Variants in STARD13 observed in about 807,000 individuals in gnomAD.
The protein encoded by STARD13 is StAR related lipid transfer domain containing 13.
In STARD13, 62 loss-of-function variants were observed where a neutral mutation model predicts 106.4. The observed-to-expected ratio is 0.58, with a 90% CI of 0.48 to 0.72. STARD13 has a LOEUF of 0.72. Ranked by LOEUF, STARD13 falls within the 30% of genes least tolerant of loss-of-function variation. The probability of loss-of-function intolerance (pLI) is 0.00; values close to 1 mark genes in which losing one functional copy is unlikely to be tolerated. For missense variants in STARD13, 1,387 were observed against 1,424.0 expected (o/e 0.97, Z 0.42); for synonymous variants, 565 against 553.0 (o/e 1.02, Z -0.31).
At chr13:33,566,219 T>C in the STARD13 span, among the ~76,000 whole-genome samples, 5 of 148,420 alleles carry the variant, frequency 3.4e-5, 1 homozygote, top group Non-Finnish European at 1.5e-5. Context: ...AGGATTGTTA[T>C]AATTATTCTG....
the STARD13 span, among the ~76,000 whole-genome samples, chr13:33,495,980 AATAG>A: frequency 2.0e-3 from 288 of 142,264 alleles, no homozygotes; most frequent in African/African-American, 6.6e-3. Flanking sequence ...TAATTATTAT[AATAG>A]ATAGTGAATA....
the STARD13 span, among the ~76,000 whole-genome samples, chr13:33,572,999 T>A: frequency 6.6e-6 from 1 of 152,166 alleles, no homozygotes; most frequent in African/African-American, 2.4e-5. Flanking sequence ...GATATATGTC[T>A]TATTTCTACT....
At chr13:33,142,452 C>T in intron 3 of STARD13, 79 bp from the exon 4 acceptor site, 1 of 1,322,760 alleles carries the variant, frequency 7.6e-7, no homozygotes, top group Non-Finnish European at 1.1e-6. Context: ...TCCTTTATTT[C>T]CAGTAAAGTT....
chr13:33,117,476 T>C (rs1875566082), intron 8 of STARD13: 3 of 390,818 alleles, frequency 7.7e-6, no homozygotes, highest in East Asian at 1.6e-4. Context: ...TAATCAACAA[T>C]TGTTATTTTC....
chr13:33,467,394 AG>A, the STARD13 span, among the ~76,000 whole-genome samples: 1 of 152,148 alleles, frequency 6.6e-6, no homozygotes, highest in African/African-American at 2.4e-5. Flanking sequence ...GGCAGAGCTC[AG>A]GTAGTAATAC....
the STARD13 span, among the ~76,000 whole-genome samples, chr13:33,510,313 G>C: frequency 6.6e-6 from 1 of 152,170 alleles, no homozygotes; most frequent in Non-Finnish European, 1.5e-5. Context: ...TTTTCTGGTA[G>C]AGGTATATTT....
chr13:33,179,543 A>G (rs902509245), intron 1 of STARD13, among the ~76,000 whole-genome samples: 3 of 152,328 alleles, frequency 2.0e-5, no homozygotes, highest in East Asian at 3.9e-4. Flanking sequence ...TTCATTTGGT[A>G]TGCAGAAGTG....
chr13:33,492,127 T>G, the STARD13 span, among the ~76,000 whole-genome samples: 1 of 152,128 alleles, frequency 6.6e-6, no homozygotes, highest in African/African-American at 2.4e-5. Context: ...CACAAGGTAA[T>G]GTCATCAGTT....
chr13:33,293,819 A>G (rs938086888), intron 1 of STARD13, among the ~76,000 whole-genome samples: 2 of 152,188 alleles, frequency 1.3e-5, no homozygotes, highest in African/African-American at 4.8e-5. Context: ...GCCCTCAAAC[A>G]TTGGACTCTA....
chr13:33,508,324 G>A, the STARD13 span, among the ~76,000 whole-genome samples: 3 of 152,174 alleles, frequency 2.0e-5, no homozygotes, highest in African/African-American at 4.8e-5. Context: ...CTAACCCTGC[G>A]GATGCAGCCT....
At chr13:33,582,774 A>G in the STARD13 span, among the ~76,000 whole-genome samples, 3 of 152,160 alleles carry the variant, frequency 2.0e-5, no homozygotes, top group African/African-American at 7.2e-5. Flanking sequence ...CATCAACCTA[A>G]CCACTTTTTC....
chr13:33,514,467 C>T, the STARD13 span, among the ~76,000 whole-genome samples: 1 of 152,100 alleles, frequency 6.6e-6, no homozygotes, highest in Non-Finnish European at 1.5e-5. Flanking sequence ...GCATCTGGCT[C>T]AGCCTCTGTG....
chr13:33,507,277 A>C, the STARD13 span, among the ~76,000 whole-genome samples: 2 of 152,188 alleles, frequency 1.3e-5, no homozygotes, highest in African/African-American at 4.8e-5. Flanking sequence ...GTAATGAAGC[A>C]ACCAGGTTTT....
chr13:33,414,081 C>T, the STARD13 span, among the ~76,000 whole-genome samples: 1 of 149,234 alleles, frequency 6.7e-6, no homozygotes, highest in Non-Finnish European at 1.5e-5. Flanking sequence ...GTAAGATGCT[C>T]AATAGCATTG....
intron 3 of STARD13, among the ~76,000 whole-genome samples, chr13:33,161,319 C>CT (rs761268263): frequency 0.018 from 2,565 of 144,544 alleles, 43 homozygotes; most frequent in African/African-American, 0.044. Flanking sequence ...TGTTTTATAT[C>CT]TTTTTTTTTT....
At chr13:33,294,449 A>G (rs916312600) in intron 1 of STARD13, among the ~76,000 whole-genome samples, 7 of 152,178 alleles carry the variant, frequency 4.6e-5, no homozygotes, top group Non-Finnish European at 8.8e-5. Context: ...CAGTCTTGCT[A>G]CCTTACCAAA....
the STARD13 span, among the ~76,000 whole-genome samples, chr13:33,660,911 C>T: frequency 6.6e-6 from 1 of 152,150 alleles, no homozygotes; most frequent in Admixed American, 6.6e-5. Context: ...AATGGTTTCA[C>T]TTTCTTGGTA....
chr13:33,515,445 G>A, the STARD13 span, among the ~76,000 whole-genome samples: 1 of 152,142 alleles, frequency 6.6e-6, no homozygotes, highest in African/African-American at 2.4e-5. Flanking sequence ...GATTTTAGGA[G>A]CATCCACTTT....
chr13:33,600,131 G>A, the STARD13 span, among the ~76,000 whole-genome samples: 5,536 of 152,204 alleles, frequency 0.036, 260 homozygotes, highest in African/African-American at 0.099. Context: ...GTATCAAATT[G>A]TGAAGAAATA....
Sources: allele counts gnomAD v4.1 joint callset (sites outside exome capture counted in the v4.1 genomes callset), GRCh38; gene constraint gnomAD v4.1.1; transcripts MANE v1.5; gene names NCBI Gene and HGNC (gene_info 2026-07-23, HGNC 2026-07-21).